The following MPP7 variants were observed in gnomAD, a reference collection of about 807,000 sequenced individuals.
MPP7 encodes the protein MAGUK p55 scaffold protein 7.
MPP7 carries 60 observed loss-of-function variants against 76.5 expected under a neutral mutation model. That is an observed-to-expected ratio of 0.78 (90% CI 0.64 to 0.97). The LOEUF (loss-of-function observed/expected upper bound fraction) is 0.97, where lower values mean the gene tolerates loss of function less well. Ranked by LOEUF, MPP7 falls within the 50% of genes least tolerant of loss-of-function variation. The probability of loss-of-function intolerance (pLI) is 0.00; values close to 1 mark genes in which losing one functional copy is unlikely to be tolerated. For synonymous variants in MPP7, 237 were observed against 244.5 expected (o/e 0.97, Z 0.29); for missense variants, 641 against 694.0 (o/e 0.92, Z 0.86).
At chr10:28,302,659 GC>G (rs1841189904) in intron 1 of MPP7, among the ~76,000 whole-genome samples, 1 of 151,394 alleles carries the variant, frequency 6.6e-6, no homozygotes, top group Non-Finnish European at 1.5e-5. Context: ...CCCCGCCCCT[GC>G]CCCGGCCCCG....
intron 8 of MPP7, among the ~76,000 whole-genome samples, chr10:28,122,326 A>G (rs902313056): frequency 2.0e-5 from 3 of 152,198 alleles, no homozygotes; most frequent in African/African-American, 7.2e-5. Context: ...ACAATAATCT[A>G]GCATATGGAT....
chr10:28,087,885 T>A (rs1853097412), intron 12 of MPP7, among the ~76,000 whole-genome samples: 1 of 152,074 alleles, frequency 6.6e-6, no homozygotes, highest in African/African-American at 2.4e-5. Context: ...CACACCTCTA[T>A]AAGGATGAGA....
At chr10:28,150,201 T>C (rs1835838634) in intron 3 of MPP7, 142 bp from the exon 4 acceptor site, 3 of 618,490 alleles carry the variant, frequency 4.9e-6, no homozygotes, top group Middle Eastern at 2.6e-4. Flanking sequence ...ACATGTAATA[T>C]GTTTGTACAT....
At position 28,109,860 on chromosome 10, in the gene MPP7, A is replaced by C. The variant is rs201689518; in HGVS notation, c.952+9791T>G. ...CCAGCCGCAGACGCAAAAAAAAAAA[A>C]AAAAAAAAAAAAACACTTAAAACAA... On this transcript the variant is annotated intron_variant, in intron 11 of 16. Coordinates refer to ENST00000683449, the MANE Select transcript of MPP7 (RefSeq NM_001318170.2). Among the ~76,000 whole-genome samples the C allele has an allele frequency of 2.5e-4, 37 of 148,854 alleles. 2 individuals carry two copies. In the South Asian group the frequency reaches 7.5e-3, roughly 30 times the overall value.
At chr10:28,319,063 C>T (rs892912758) in intron 2 of MPP7, among the ~76,000 whole-genome samples, 3 of 152,140 alleles carry the variant, frequency 2.0e-5, no homozygotes, top group African/African-American at 4.8e-5. Flanking sequence ...TTAATTGGCT[C>T]ACAGTTCTAC....
intron 1 of MPP7, among the ~76,000 whole-genome samples, chr10:28,301,193 C>CA (rs1564765975): frequency 6.6e-6 from 1 of 152,000 alleles, no homozygotes; most frequent in Non-Finnish European, 1.5e-5. Flanking sequence ...AAACACTTCC[C>CA]GAAACAAAGT....
intron 1 of MPP7, among the ~76,000 whole-genome samples, chr10:28,269,140 C>G (rs1004239357): frequency 6.6e-6 from 1 of 152,136 alleles, no homozygotes; most frequent in East Asian, 1.9e-4. Context: ...AAATACTTTA[C>G]GTCTCTAAAA....
chr10:28,145,878 G>A (rs896915822), intron 5 of MPP7, among the ~76,000 whole-genome samples: 13 of 152,020 alleles, frequency 8.6e-5, no homozygotes, highest in South Asian at 4.2e-4. Flanking sequence ...TCTTAATAAC[G>A]TCTAAAGTCA....
chr10:28,144,439 A>G (rs1019886822), intron 5 of MPP7, among the ~76,000 whole-genome samples: 1 of 152,168 alleles, frequency 6.6e-6, no homozygotes, highest in African/African-American at 2.4e-5. Context: ...CATGAAGCCG[A>G]CTATCCTGGG....
chr10:28,243,171 T>G (rs564489800), intron 1 of MPP7, among the ~76,000 whole-genome samples: 1 of 151,904 alleles, frequency 6.6e-6, no homozygotes, highest in African/African-American at 2.4e-5. Flanking sequence ...ATAAATAGAG[T>G]CCATACTTTC....
chr10:28,290,310 TAGAG>T (rs1207117278), intron 1 of MPP7, among the ~76,000 whole-genome samples: 43 of 142,670 alleles, frequency 3.0e-4, no homozygotes, highest in East Asian at 4.3e-4. Context: ...TTTTTTAACA[TAGAG>T]AGTATTTCCA....
intron 1 of MPP7, chr10:28,289,300 CA>C (rs11436116): frequency 2.0e-3 from 267 of 130,616 alleles, no homozygotes; most frequent in Middle Eastern, 3.9e-3. Context: ...GACTCCATCT[CA>C]AAAAAAAAAA....
At chr10:28,324,110 C>T (rs1325766863) in intron 2 of MPP7, among the ~76,000 whole-genome samples, 3 of 152,054 alleles carry the variant, frequency 2.0e-5, no homozygotes, top group Admixed American at 2.0e-4. Context: ...AATCTTAACC[C>T]CCAAGTTGAT....
At chr10:28,252,459 A>G (rs972692057) in intron 1 of MPP7, among the ~76,000 whole-genome samples, 7 of 152,250 alleles carry the variant, frequency 4.6e-5, no homozygotes, top group Non-Finnish European at 1.5e-5. Flanking sequence ...CCACCACAGT[A>G]CATAGGCATT....
intron 2 of MPP7, among the ~76,000 whole-genome samples, chr10:28,215,716 C>A (rs1331039171): frequency 6.6e-6 from 1 of 152,150 alleles, no homozygotes; most frequent in Non-Finnish European, 1.5e-5. Context: ...TGGTAAACAT[C>A]TCTGTGTATC....
intron 1 of MPP7, among the ~76,000 whole-genome samples, chr10:28,277,531 A>T (rs1297864483): frequency 6.6e-6 from 1 of 152,070 alleles, no homozygotes; most frequent in Non-Finnish European, 1.5e-5. Flanking sequence ...TTGATTTATA[A>T]CATATTTAAG....
At chr10:28,290,070 C>T (rs745693100) in intron 1 of MPP7, among the ~76,000 whole-genome samples, 2 of 152,312 alleles carry the variant, frequency 1.3e-5, no homozygotes, top group South Asian at 2.1e-4. Flanking sequence ...CCATCTGCCT[C>T]GACCTCCCAA....
intron 11 of MPP7, among the ~76,000 whole-genome samples, chr10:28,115,281 T>A (rs1392781083): frequency 6.6e-6 from 1 of 152,122 alleles, no homozygotes; most frequent in Admixed American, 6.5e-5. Flanking sequence ...TTTTTTGTAT[T>A]TTTAGTAGAG....
chr10:28,269,492 C>A (rs570781386), intron 1 of MPP7, among the ~76,000 whole-genome samples: 4 of 151,654 alleles, frequency 2.6e-5, no homozygotes, highest in African/African-American at 9.7e-5. Context: ...GGCTGGAGAA[C>A]TTCACCTTCA....
Sources: allele counts gnomAD v4.1 joint callset (sites outside exome capture counted in the v4.1 genomes callset), GRCh38; gene constraint gnomAD v4.1.1; transcripts MANE v1.5; gene names NCBI Gene and HGNC (gene_info 2026-07-23, HGNC 2026-07-21).